CSMD1: variants seen among roughly 807,000 people sequenced by gnomAD.
CSMD1 encodes CUB and Sushi multiple domains 1.
Under a neutral mutation model 417.5 loss-of-function variants are expected in CSMD1, and 213 were observed. The observed-to-expected ratio is 0.51, with a 90% CI of 0.46 to 0.57. The LOEUF is 0.57. Among genes scored for constraint, CSMD1 ranks in the 20% least tolerant of loss-of-function variants. The pLI is 0.00. For synonymous variants in CSMD1, 2,862 were observed against 1,736.8 expected, an observed-to-expected ratio of 1.65 and a Z score of -16.11; for missense variants, 6,923 against 4,529.7, an observed-to-expected ratio of 1.53 and a Z score of -15.17.
At chr8:3,455,792 C>G (rs1399627958) in intron 12 of CSMD1, among the ~76,000 whole-genome samples, 1 of 152,222 alleles carries the variant, frequency 6.6e-6, no homozygotes, top group African/African-American at 2.4e-5. Context: ...TGTCTGTTCT[C>G]AGATCTCAAG....
chr8:4,052,860 C>T (rs1048994328), intron 3 of CSMD1, among the ~76,000 whole-genome samples: 5 of 152,078 alleles, frequency 3.3e-5, no homozygotes, highest in Admixed American at 3.3e-4. Flanking sequence ...ATCTCTCATA[C>T]CACAATGATT....
intron 10 of CSMD1, among the ~76,000 whole-genome samples, chr8:3,540,213 T>C (rs145566233): frequency 1.3e-5 from 2 of 152,354 alleles, no homozygotes; most frequent in East Asian, 3.9e-4. Context: ...GTTTTAGGCT[T>C]ATTAAACAAT....
At chr8:3,583,142 A>G (rs986946) in intron 9 of CSMD1, among the ~76,000 whole-genome samples, 151,159 of 152,128 alleles carry the variant, frequency 0.99, 75,108 homozygotes, top group Middle Eastern at 1. Flanking sequence ...CCTGTCTTTC[A>G]GAATTCAGAT....
chr8:4,911,583 G>C (rs570174892), intron 1 of CSMD1, among the ~76,000 whole-genome samples: 6 of 152,262 alleles, frequency 3.9e-5, no homozygotes, highest in Admixed American at 3.9e-4. Flanking sequence ...TGCATCCAGG[G>C]ATCTCAGAGC....
chr8:4,341,119 G>A (rs1048417831), intron 3 of CSMD1, among the ~76,000 whole-genome samples: 4 of 152,096 alleles, frequency 2.6e-5, no homozygotes, highest in South Asian at 2.1e-4. Context: ...CCAATACATC[G>A]TTGCCTAGGT....
intron 3 of CSMD1, among the ~76,000 whole-genome samples, chr8:4,400,378 T>C (rs1804564679): frequency 6.6e-6 from 1 of 152,262 alleles, no homozygotes; most frequent in African/African-American, 2.4e-5. Flanking sequence ...TTTTCATTTA[T>C]ATATCCATCC....
chr8:4,027,442 C>T (rs1241884052), intron 4 of CSMD1, among the ~76,000 whole-genome samples: 2 of 152,034 alleles, frequency 1.3e-5, no homozygotes, highest in African/African-American at 2.4e-5. Flanking sequence ...GGGGGTGGGT[C>T]CTCCATGCTG....
chr8:4,245,378 C>G (rs994605581), intron 3 of CSMD1, among the ~76,000 whole-genome samples: 2 of 152,106 alleles, frequency 1.3e-5, no homozygotes, highest in African/African-American at 2.4e-5. Context: ...CCCAGCCTGC[C>G]TTTTCTGACA....
intron 3 of CSMD1, among the ~76,000 whole-genome samples, chr8:4,390,816 C>A (rs1016650532): frequency 1.3e-5 from 2 of 152,132 alleles, no homozygotes; most frequent in African/African-American, 4.8e-5. Context: ...GCTGGGATTA[C>A]AGACATGAGC....
intron 3 of CSMD1, among the ~76,000 whole-genome samples, chr8:4,317,682 T>C: frequency 6.6e-6 from 1 of 152,108 alleles, no homozygotes; most frequent in South Asian, 2.1e-4. Flanking sequence ...TAGTTCTTTA[T>C]AGACTTAGAA....
chr8:4,154,997 T>C (rs576249459), intron 3 of CSMD1, among the ~76,000 whole-genome samples: 73 of 152,306 alleles, frequency 4.8e-4, no homozygotes, highest in African/African-American at 1.7e-3. Flanking sequence ...GAAACACGAC[T>C]GCAAGTTTCT....
intron 12 of CSMD1, among the ~76,000 whole-genome samples, chr8:3,449,163 A>C (rs2117097080): frequency 6.6e-6 from 1 of 152,320 alleles, no homozygotes; most frequent in Admixed American, 6.5e-5. Flanking sequence ...TGCGTCTTGA[A>C]ATTAGTTGGT....
intron 5 of CSMD1, among the ~76,000 whole-genome samples, chr8:3,943,206 T>C (rs947233282): frequency 3.9e-5 from 6 of 152,084 alleles, no homozygotes; most frequent in Non-Finnish European, 8.8e-5. Flanking sequence ...GTTCGATTTT[T>C]ATCAACTGTT....
chr8:4,360,171 G>C (rs1801669902), intron 3 of CSMD1, among the ~76,000 whole-genome samples: 1 of 152,158 alleles, frequency 6.6e-6, no homozygotes, highest in African/African-American at 2.4e-5. Context: ...ACGTGAGAGT[G>C]ACTGTCACCG....
At chr8:3,059,931 C>T (rs1812482391) in intron 49 of CSMD1, among the ~76,000 whole-genome samples, 1 of 152,014 alleles carries the variant, frequency 6.6e-6, no homozygotes, top group Non-Finnish European at 1.5e-5. Flanking sequence ...TTTATCTTAG[C>T]AGTGGGATCG....
chr8:4,193,674 C>G (rs1285460657), intron 3 of CSMD1, among the ~76,000 whole-genome samples: 2 of 152,092 alleles, frequency 1.3e-5, no homozygotes, highest in African/African-American at 2.4e-5. Flanking sequence ...CACGGCAAAC[C>G]ACAGCTCAAC....
intron 1 of CSMD1, among the ~76,000 whole-genome samples, chr8:4,736,647 A>T (rs1468212119): frequency 2.6e-5 from 4 of 152,210 alleles, no homozygotes; most frequent in Admixed American, 6.5e-5. Flanking sequence ...AATTATCAAA[A>T]GGAATGATTT....
chr8:4,524,477 A>C lies in CSMD1; in HGVS notation c.303-104412T>G, dbSNP rs139457375. On this transcript the variant is annotated intron_variant, in intron 2 of 69. Transcript: ENST00000635120. ...TGAAACAGGACAGCTGAGTGAGGCC[A>C]CGTTGGTGAAGCCCACGGGATATGT... Among the ~76,000 whole-genome samples, 1,187 of 152,120 alleles carry C rather than the reference A, an allele frequency of 7.8e-3. 7 individuals are homozygous for C. Among genetic ancestry groups the C allele is most frequent in the Non-Finnish European group, 0.01 (691 of 68,002 alleles).
intron 2 of CSMD1, among the ~76,000 whole-genome samples, chr8:4,513,081 A>G (rs1298825217): frequency 6.6e-6 from 1 of 152,220 alleles, no homozygotes; most frequent in Non-Finnish European, 1.5e-5. Flanking sequence ...GATACATGTT[A>G]TTGAACTTTT....
Sources: gnomAD v4.1 joint callset for allele counts (sites outside exome capture counted in the v4.1 genomes callset) on GRCh38, gnomAD v4.1.1 for gene constraint, MANE v1.5 for transcripts, NCBI Gene and HGNC (gene_info 2026-07-23, HGNC 2026-07-21) for gene names.